The following IGSF10 variants were observed in gnomAD, a reference collection of about 807,000 sequenced individuals.
IGSF10 encodes immunoglobulin superfamily member 10, also known as calvaria mechanical force protein 608.
IGSF10 carries 126 observed loss-of-function variants against 128.2 expected under a neutral mutation model. The observed-to-expected ratio is 0.98, with a 90% confidence interval of 0.85 to 1.14. The LOEUF (loss-of-function observed/expected upper bound fraction) is 1.14, where lower values mean the gene tolerates loss of function less well. IGSF10 is among the 50% of genes most tolerant of loss of function. The pLI, the probability that IGSF10 is intolerant of heterozygous loss-of-function variation, is 0.00. For missense variants in IGSF10, 3,295 were observed against 3,149.8 expected (o/e 1.05, Z -1.10); for synonymous variants, 1,185 against 1,146.2 (o/e 1.03, Z -0.68).
Position 151,446,771 on chromosome 3 carries a change from C to T in IGSF10, c.3210G>A (p.Glu1070=). 1 of 1,614,072 alleles carries T rather than the reference C, an allele frequency of 6.2e-7. No individual in the cohort carries two copies. The highest frequency in any genetic ancestry group is 8.5e-7 in the Non-Finnish European group (1 of 1,179,984). Residue 1070 remains glutamate (E), a synonymous_variant, in exon 6 of 8, where the codon GAG becomes GAA. Coordinates refer to ENST00000282466, the MANE Select transcript of IGSF10 (RefSeq NM_178822.5). ...NVTCLSCLPR[E]RLTTATAALS... ...ATGCTGCTGTGGCAGTGGTGAGCCT[C>T]TCCCTGGGAAGACAGGACAGACATG...
the IGSF10 span, among the ~76,000 whole-genome samples, chr3:151,480,240 A>G: frequency 4.1e-3 from 622 of 152,338 alleles, 5 homozygotes; most frequent in Admixed American, 0.014. Context: ...GAAATCCTGC[A>G]GAGCACAGAA....
chr3:151,570,326 G>A, the IGSF10 span, among the ~76,000 whole-genome samples: 1 of 152,170 alleles, frequency 6.6e-6, no homozygotes, highest in African/African-American at 2.4e-5. Flanking sequence ...TTCCACAATG[G>A]TTGAACTAGT....
the IGSF10 span, among the ~76,000 whole-genome samples, chr3:151,512,934 A>T: frequency 6.6e-6 from 1 of 152,184 alleles, no homozygotes; most frequent in African/African-American, 2.4e-5. Context: ...AATCTCTGAA[A>T]AGACCAATAA....
Position 151,438,141 on chromosome 3 carries a change from A to G in IGSF10, c.6420T>C (p.Ala2140=), listed in dbSNP as rs1163354356. 2 of 1,614,050 alleles carry G rather than the reference A, an allele frequency of 1.2e-6. No homozygotes were observed. The highest frequency in any genetic ancestry group is 2.2e-5 in the East Asian group (1 of 44,884). Residue 2140 remains alanine (A), a synonymous_variant, in exon 8 of 8, where the codon GCT becomes GCC. Transcript: ENST00000282466. ...TTTTGTTACTCTGCCTTATCCGGGG[A>G]GCAGCTGTTATAACTGTTAAGTGGA... is the stretch of plus-strand genomic sequence containing the variant. ...MKVHLTVITA[A]PRIRQSNKTN... is the part of the protein sequence containing the mutation.
the IGSF10 span, among the ~76,000 whole-genome samples, chr3:151,617,397 C>CT: frequency 2.6e-3 from 356 of 135,906 alleles, 3 homozygotes; most frequent in African/African-American, 8.0e-3. Flanking sequence ...TCTTCATCTT[C>CT]TTTTTTTTTT....
Position 151,437,738 on chromosome 3 carries a change from T to A in IGSF10, c.6823A>T (p.Met2275Leu), listed in dbSNP as rs1339039363. The A allele has an allele frequency of 6.2e-7, 1 of 1,614,086 alleles. No homozygotes were observed. Among genetic ancestry groups the A allele is most frequent in the Admixed American group, 1.7e-5 (1 of 60,026 alleles). Residue 2275 changes from methionine to leucine, a missense_variant, in exon 8 of 8, where the codon ATG (methionine) becomes TTG (leucine). Transcript: ENST00000282466. Reference protein sequence around the residue: ...GTPSPEVMWIMPDNIFLTAPY... With the variant: ...GTPSPEVMWILPDNIFLTAPY... ...GCTGTGAGGAAAATATTGTCTGGCA[T>A]GATCCACATGACTTCAGGAGATGGT... is the stretch of plus-strand genomic sequence containing the variant.
the IGSF10 span, among the ~76,000 whole-genome samples, chr3:151,588,282 T>C: frequency 6.6e-6 from 1 of 152,160 alleles, no homozygotes; most frequent in Admixed American, 6.5e-5. Context: ...CTCATCATGA[T>C]GGCCTTTCTT....
the IGSF10 span, among the ~76,000 whole-genome samples, chr3:151,506,100 C>A: frequency 6.6e-6 from 1 of 152,128 alleles, no homozygotes; most frequent in Non-Finnish European, 1.5e-5. Flanking sequence ...TACAGGCACA[C>A]GCCACTACGC....
the IGSF10 span, among the ~76,000 whole-genome samples, chr3:151,523,671 T>C: frequency 6.6e-6 from 1 of 150,828 alleles, no homozygotes; most frequent in African/African-American, 2.4e-5. Flanking sequence ...TCAATGCAAG[T>C]TTTTAAATGT....
chr3:151,527,669 GC>G, the IGSF10 span, among the ~76,000 whole-genome samples: 13 of 152,304 alleles, frequency 8.5e-5, no homozygotes, highest in East Asian at 2.1e-3. Context: ...CCAAATCTGG[GC>G]CAGGTGTAGT....
At chr3:151,536,075 G>C in the IGSF10 span, among the ~76,000 whole-genome samples, 1 of 152,170 alleles carries the variant, frequency 6.6e-6, no homozygotes, top group Admixed American at 6.6e-5. Flanking sequence ...AGCTGCCACT[G>C]TGTCCTGTCC....
At position 151,437,410 on chromosome 3, in the gene IGSF10, T is replaced by A. The variant is rs533904682; in HGVS notation, c.7151A>T (p.Gln2384Leu). The A allele has an allele frequency of 1.9e-6, 3 of 1,614,204 alleles. No homozygotes were observed. Among genetic ancestry groups the A allele is most frequent in the East Asian group, 2.2e-5 (1 of 44,886 alleles). Residue 2384 changes from glutamine to leucine, a missense_variant, in exon 8 of 8, where the codon CAA becomes CTA. Coordinates refer to ENST00000282466, the MANE Select transcript of IGSF10 (RefSeq NM_178822.5). ...PNGTRFSNGP[Q>L]SYQYLIASNG... ...GCTTGCTATCAGATACTGATAACTT[T>A]GTGGTCCATTGGAAAATCGTGTGCC...
At chr3:151,549,884 C>T in the IGSF10 span, among the ~76,000 whole-genome samples, 4 of 152,000 alleles carry the variant, frequency 2.6e-5, no homozygotes, top group Admixed American at 6.6e-5. Flanking sequence ...TAATTTTTAA[C>T]GTTATAATTT....
At chr3:151,617,113 C>A in the IGSF10 span, among the ~76,000 whole-genome samples, 1 of 152,084 alleles carries the variant, frequency 6.6e-6, no homozygotes, top group Non-Finnish European at 1.5e-5. Flanking sequence ...TTACTTGGGA[C>A]TTGATACTAC....
At chr3:151,588,576 T>C in the IGSF10 span, among the ~76,000 whole-genome samples, 1 of 152,234 alleles carries the variant, frequency 6.6e-6, no homozygotes, top group African/African-American at 2.4e-5. Flanking sequence ...ATTAGGTGGT[T>C]ACAGCCCAGT....
the IGSF10 span, among the ~76,000 whole-genome samples, chr3:151,507,524 T>C: frequency 2.0e-5 from 3 of 152,112 alleles, no homozygotes; most frequent in East Asian, 5.8e-4. Context: ...AGAAAGGAGA[T>C]TTAATTGACT....
At chr3:151,513,158 C>G in the IGSF10 span, among the ~76,000 whole-genome samples, 2 of 151,440 alleles carry the variant, frequency 1.3e-5, no homozygotes, top group African/African-American at 4.8e-5. Flanking sequence ...AGAGACACAA[C>G]AAAAAAAAGA....
the IGSF10 span, among the ~76,000 whole-genome samples, chr3:151,519,037 G>A: frequency 6.6e-6 from 1 of 151,862 alleles, no homozygotes; most frequent in South Asian, 2.1e-4. Context: ...ACTTAAAAAT[G>A]CCAAGAAAAT....
the IGSF10 span, among the ~76,000 whole-genome samples, chr3:151,605,926 G>A: frequency 0.023 from 3,507 of 152,310 alleles, 84 homozygotes; most frequent in East Asian, 0.11. Context: ...CACCCCCAGA[G>A]TTTCTGATTC....
Sources: gnomAD v4.1 joint callset for allele counts (sites outside exome capture counted in the v4.1 genomes callset) on GRCh38, gnomAD v4.1.1 for gene constraint, MANE v1.5 for transcripts, NCBI Gene and HGNC (gene_info 2026-07-23, HGNC 2026-07-21) for gene names.